Variants in OTUD7B observed in about 807,000 individuals in gnomAD.
The protein encoded by OTUD7B is OTU deubiquitinase 7B.
Under a neutral mutation model 82.2 loss-of-function variants are expected in OTUD7B, and 34 were observed. That is an observed-to-expected ratio of 0.41 (90% CI 0.31 to 0.55). The LOEUF is 0.55. Ranked by LOEUF, OTUD7B falls within the 20% of genes least tolerant of loss-of-function variation. The pLI is 0.20. For missense variants in OTUD7B, 944 were observed against 1,062.1 expected (o/e 0.89, Z 1.55); for synonymous variants, 398 against 402.7 (o/e 0.99, Z 0.14).
the OTUD7B span, among the ~76,000 whole-genome samples, chr1:150,020,258 A>T: frequency 6.6e-6 from 1 of 152,124 alleles, no homozygotes; most frequent in African/African-American, 2.4e-5. Flanking sequence ...ATGGCAGGCC[A>T]GGCGCAGTGG....
At chr1:150,029,255 T>C in the OTUD7B span, among the ~76,000 whole-genome samples, 1 of 152,126 alleles carries the variant, frequency 6.6e-6, no homozygotes, top group East Asian at 1.9e-4. Context: ...AATAGGAAAG[T>C]TTCAGTGATA....
In OTUD7B at chr1:149,964,297, T is replaced by G. The variant is rs1266386747; in HGVS notation, c.657A>C (p.Ala219=). ...RDLMLRKALY[A]LMEKGVEKEA... ...CCTTCTCAACTCCCTTCTCCATCAG[T>G]GCATACAAAGCTTTCCGCAGCATCA... Residue 219 remains alanine, a synonymous_variant, in exon 6 of 12, where the codon GCA becomes GCC. Transcript: ENST00000581312. The G allele has an allele frequency of 6.2e-7, 1 of 1,613,994 alleles. No individual in the cohort carries two copies. Among genetic ancestry groups the G allele is most frequent in the Non-Finnish European group, 8.5e-7 (1 of 1,180,004 alleles).
the OTUD7B span, chr1:150,054,988 G>T: frequency 3.3e-6 from 1 of 303,314 alleles, no homozygotes; most frequent in Non-Finnish European, 6.5e-6. Flanking sequence ...CCTCTGATCT[G>T]TGTTTGCCCC....
chr1:149,981,262 G>A (rs920074811), intron 1 of OTUD7B, among the ~76,000 whole-genome samples: 13 of 152,208 alleles, frequency 8.5e-5, no homozygotes, highest in African/African-American at 2.9e-4. Context: ...TAGCAATTAC[G>A]TAATCCAAAT....
In OTUD7B at chr1:149,967,344, A is replaced by G. The variant is rs1649586169; in HGVS notation, c.452T>C (p.Ile151Thr). The G allele has an allele frequency of 1.2e-6, 2 of 1,614,132 alleles. No homozygotes were observed. Among genetic ancestry groups the G allele is most frequent in the Non-Finnish European group, 1.7e-6 (2 of 1,179,996 alleles). Residue 151 changes from isoleucine (I) to threonine (T), a missense_variant, in exon 4 of 12, where the codon ATA (isoleucine) becomes ACA (threonine). Transcript: ENST00000581312. The part of the protein sequence containing the change: ...TVYNEDFRSF[I>T]ERDLIEQSML... Reference sequence around the variant, plus strand: ...GGACTGCTCAATGAGGTCTCTCTCTATGAAGCTGCGGAAGTCTTCATTGTA... The same window carrying G: ...GGACTGCTCAATGAGGTCTCTCTCTGTGAAGCTGCGGAAGTCTTCATTGTA...
the OTUD7B span, among the ~76,000 whole-genome samples, chr1:150,046,170 T>C: frequency 6.6e-6 from 1 of 152,156 alleles, no homozygotes; most frequent in South Asian, 2.1e-4. Flanking sequence ...TGTTACAGAG[T>C]TGCAGTTGTG....
At chr1:150,014,254 G>A (rs1425232927), upstream of OTUD7B, among the ~76,000 whole-genome samples, 5 of 145,646 alleles carry the variant, frequency 3.4e-5, no homozygotes, top group Admixed American at 3.4e-4. Context: ...AAAAAAATTA[G>A]TCAGGCATGG....
chr1:150,045,873 T>C, the OTUD7B span, among the ~76,000 whole-genome samples: 1 of 152,178 alleles, frequency 6.6e-6, no homozygotes. Flanking sequence ...ACAGAGGATA[T>C]AAACATCAAT....
chr1:150,044,137 A>G, the OTUD7B span, among the ~76,000 whole-genome samples: 1 of 152,098 alleles, frequency 6.6e-6, no homozygotes, highest in African/African-American at 2.4e-5. Context: ...AAATAAAATA[A>G]AAACTGGTCT....
At chr1:150,018,699 G>A in the OTUD7B span, among the ~76,000 whole-genome samples, 1 of 152,086 alleles carries the variant, frequency 6.6e-6, no homozygotes, top group Non-Finnish European at 1.5e-5. Flanking sequence ...TTCTCTGCTT[G>A]ACATCTTTCA....
intron 7 of OTUD7B, among the ~76,000 whole-genome samples, chr1:149,950,961 T>C (rs1648176717): frequency 1.2e-5 from 1 of 82,540 alleles, no homozygotes; most frequent in Non-Finnish European, 2.3e-5. Flanking sequence ...CCGGTCTAAT[T>C]TTTTGTACTT....
At chr1:149,994,267 T>C (rs1409650774) in intron 1 of OTUD7B, among the ~76,000 whole-genome samples, 6 of 152,104 alleles carry the variant, frequency 3.9e-5, no homozygotes, top group Non-Finnish European at 8.8e-5. Flanking sequence ...GGAAATATCA[T>C]AGGCAATTAT....
chr1:150,053,911 TG>T, the OTUD7B span: 8 of 450,824 alleles, frequency 1.8e-5, no homozygotes, highest in African/African-American at 4.1e-5. Context: ...AGAAGAAACC[TG>T]AAGTCAAGAA....
chr1:150,027,570 G>A, the OTUD7B span, among the ~76,000 whole-genome samples: 1 of 152,204 alleles, frequency 6.6e-6, no homozygotes, highest in African/African-American at 2.4e-5. Context: ...CTAGGCAACA[G>A]AGTGAGACTC....
chr1:149,960,920 CTTCTTTTTTTTT>C (rs1649107662), intron 6 of OTUD7B: 1 of 62,080 alleles, frequency 1.6e-5, no homozygotes, highest in South Asian at 7.5e-4. Context: ...ACCTGGATAC[CTTCTTTTTTTTT>C]TTTTTTTTTT....
chr1:150,010,914 T>C (rs1161689789), upstream of OTUD7B, among the ~76,000 whole-genome samples: 1 of 152,114 alleles, frequency 6.6e-6, no homozygotes, highest in Admixed American at 6.5e-5. Flanking sequence ...CCGACCCGAG[T>C]CCCTAAAGCT....
At chr1:150,052,790 AAAAC>A in the OTUD7B span, among the ~76,000 whole-genome samples, 5 of 147,534 alleles carry the variant, frequency 3.4e-5, no homozygotes, top group Admixed American at 7.1e-5. Flanking sequence ...TGGTACTGGT[AAAAC>A]AAACAAACAA....
chr1:150,054,032 T>C, the OTUD7B span: 1 of 352,444 alleles, frequency 2.8e-6, no homozygotes, highest in South Asian at 4.0e-5. Context: ...GATTGGCAGA[T>C]ATTCTCCATC....
intron 6 of OTUD7B, among the ~76,000 whole-genome samples, chr1:149,960,214 A>G (rs1649041357): frequency 1.3e-5 from 2 of 151,596 alleles, no homozygotes; most frequent in African/African-American, 4.9e-5. Flanking sequence ...ATTACTTTCT[A>G]TTCCTCTAAA....
Sources: gnomAD v4.1 joint callset for allele counts (sites outside exome capture counted in the v4.1 genomes callset) on GRCh38, gnomAD v4.1.1 for gene constraint, MANE v1.5 for transcripts, NCBI Gene and HGNC (gene_info 2026-07-23, HGNC 2026-07-21) for gene names.